ORC3: variants seen among roughly 807,000 people sequenced by gnomAD.
ORC3 encodes the protein origin recognition complex subunit 3.
In ORC3, 78 loss-of-function variants were observed where a neutral mutation model predicts 100.7. The ratio of observed to expected loss-of-function variants is 0.77; its 90% CI spans 0.65 to 0.94. The LOEUF (loss-of-function observed/expected upper bound fraction) is 0.94, where lower values mean the gene tolerates loss of function less well. Among genes scored for constraint, ORC3 ranks in the 40% least tolerant of loss-of-function variants. ORC3 has a pLI of 0.00. For synonymous variants in ORC3, 295 were observed against 289.3 expected (o/e 1.02, Z -0.20); for missense variants, 789 against 823.9 (o/e 0.96, Z 0.52).
chr6:87,650,114 TGGCATGATCAC>T (rs1769140781), intron 13 of ORC3, among the ~76,000 whole-genome samples: 1 of 148,436 alleles, frequency 6.7e-6, no homozygotes, highest in Admixed American at 6.9e-5. Flanking sequence ...TGGAGTGCAA[TGGCATGATCAC>T]GGCTCACTGC....
At chr6:87,598,832 A>T (rs946191462) in intron 2 of ORC3, among the ~76,000 whole-genome samples, 2 of 152,244 alleles carry the variant, frequency 1.3e-5, no homozygotes. Context: ...TTGACTGAAG[A>T]AGTAGGAAGA....
chr6:87,635,947 ATT>A (rs200376034), intron 12 of ORC3, among the ~76,000 whole-genome samples: 29 of 138,922 alleles, frequency 2.1e-4, no homozygotes, highest in African/African-American at 5.8e-4. Context: ...TATAAATTGC[ATT>A]TTTTTTTTTT....
At chr6:87,669,244 A>C (rs780234489), downstream of ORC3, among the ~76,000 whole-genome samples, 1 of 152,246 alleles carries the variant, frequency 6.6e-6, no homozygotes, top group Non-Finnish European at 1.5e-5. Context: ...GGAAACCCCA[A>C]GGTACCATAA....
chr6:87,617,461 A>G (rs1419372427), intron 9 of ORC3, among the ~76,000 whole-genome samples: 1 of 152,188 alleles, frequency 6.6e-6, no homozygotes, highest in Non-Finnish European at 1.5e-5. Context: ...TATGCCAGGC[A>G]CGGTGGCTCA....
chr6:87,627,297 C>CTTTTTTTTT (rs71554739), intron 11 of ORC3, among the ~76,000 whole-genome samples: 82 of 113,398 alleles, frequency 7.2e-4, no homozygotes, highest in Non-Finnish European at 1.1e-3. Flanking sequence ...CCGCGCCCAG[C>CTTTTTTTTT]TTTTTTTTTT....
intron 9 of ORC3, among the ~76,000 whole-genome samples, chr6:87,620,339 T>G (rs193229149): frequency 6.6e-6 from 1 of 152,364 alleles, no homozygotes; most frequent in Non-Finnish European, 1.5e-5. Flanking sequence ...CATAAACAGT[T>G]GCTTTCTATT....
chr6:87,640,027 G>A lies in ORC3; in HGVS notation c.1382+3541G>A, dbSNP rs562095187. Among the ~76,000 whole-genome samples, 387 of 152,082 alleles carry A rather than the reference G, an allele frequency of 2.5e-3. 2 individuals are homozygous for A. Among genetic ancestry groups the A allele is most frequent in the Non-Finnish European group, 3.5e-3 (237 of 67,972 alleles). ...TACATATAAAAGAAAGAGAAAAAAA[G>A]AAATGTGAGCAAAGCAGAAGGAGGC... On this transcript the variant is annotated intron_variant, in intron 13 of 19. Coordinates refer to ENST00000392844, the MANE Select transcript of ORC3 (RefSeq NM_012381.4).
rs773780592 is a variant in ORC3 at position 87,650,191 on chromosome 6, C to A, written c.1383-2925C>A. Among the ~76,000 whole-genome samples the A allele has an allele frequency of 7.1e-4, 108 of 151,502 alleles. 1 individual carries two copies. The highest frequency in any genetic ancestry group is 2.1e-4 in the Non-Finnish European group (14 of 67,924). On this transcript the variant is annotated intron_variant, in intron 13 of 19. Transcript: ENST00000392844. Reference sequence around the variant, plus strand: ...CATACTTCAGCCTCAGTAGCTGGGACTACAAGTGTGCGCCACCAGGCTGAG... The same window carrying A: ...CATACTTCAGCCTCAGTAGCTGGGAATACAAGTGTGCGCCACCAGGCTGAG...
At chr6:87,676,596 A>AACACACGCGCGCGCACACACAC in the ORC3 span, among the ~76,000 whole-genome samples, 1 of 142,046 alleles carries the variant, frequency 7.0e-6, no homozygotes, top group African/African-American at 2.7e-5. Context: ...CTCTACTAAA[A>AACACACGCGCGCGCACACACAC]ACACACACAC....
chr6:87,597,430 T>A (rs1404791927), intron 2 of ORC3, among the ~76,000 whole-genome samples: 1 of 152,076 alleles, frequency 6.6e-6, no homozygotes, highest in Non-Finnish European at 1.5e-5. Context: ...TCAATTGAAT[T>A]AGAATCTCAA....
Position 87,663,129 on chromosome 6 carries a change from T to G in ORC3, c.1818T>G (p.Pro606=), listed in dbSNP as rs760372555. ...RIALHTALNN[P]YYYLKNEALK... is the part of the protein sequence containing the mutation. ...CCCTCCATACTGCACTCAACAATCC[T>G]TACTATTATCTCAAGGTAAGATGAA... Residue 606 remains proline, a synonymous_variant, in exon 17 of 20, where the codon CCT becomes CCG. Transcript: ENST00000392844. The G allele has an allele frequency of 1.9e-6, 3 of 1,610,710 alleles. No individual in the cohort carries two copies. The highest frequency in any genetic ancestry group is 2.7e-5 in the African/African-American group (2 of 74,880).
chr6:87,662,739 G>A (rs1770289357), intron 16 of ORC3, among the ~76,000 whole-genome samples: 1 of 152,118 alleles, frequency 6.6e-6, no homozygotes, highest in Non-Finnish European at 1.5e-5. Context: ...TCTAGAGGTA[G>A]TTTTAAAAAC....
intron 6 of ORC3, 25 bp from the exon 7 acceptor site, chr6:87,609,071 C>G (rs1262803486): frequency 6.3e-7 from 1 of 1,576,396 alleles, no homozygotes; most frequent in Non-Finnish European, 8.6e-7. Context: ...ACCTTTAACT[C>G]TTTCTTTCTG....
chr6:87,676,025 A>G, the ORC3 span: 1 of 1,046,732 alleles, frequency 9.6e-7, no homozygotes. Flanking sequence ...AACAATTCTA[A>G]GTTGACAAAA....
chr6:87,671,009 AGTGGCCAAT>A (rs1429588261), downstream of ORC3, among the ~76,000 whole-genome samples: 1 of 152,222 alleles, frequency 6.6e-6, no homozygotes, highest in East Asian at 1.9e-4. Flanking sequence ...AAACAGCAAA[AGTGGCCAAT>A]GTGGACAAGG....
intron 16 of ORC3, among the ~76,000 whole-genome samples, chr6:87,660,922 G>GTTGT (rs1300017191): frequency 1.3e-5 from 2 of 152,190 alleles, no homozygotes; most frequent in African/African-American, 4.8e-5. Flanking sequence ...TGTTACTGTT[G>GTTGT]TTGTTCAACT....
intron 4 of ORC3, among the ~76,000 whole-genome samples, chr6:87,604,613 A>G (rs1778198117): frequency 1.3e-5 from 2 of 152,208 alleles, no homozygotes; most frequent in South Asian, 4.1e-4. Flanking sequence ...TTTGTGATAG[A>G]CAAGTTCATT....
At chr6:87,625,641 T>C (rs1779844947) in intron 11 of ORC3, among the ~76,000 whole-genome samples, 1 of 152,222 alleles carries the variant, frequency 6.6e-6, no homozygotes, top group Admixed American at 6.5e-5. Context: ...ATTTTGTAGG[T>C]TGCCTGTTCA....
chr6:87,622,282 A>G (rs1779593304), intron 11 of ORC3, among the ~76,000 whole-genome samples: 1 of 152,126 alleles, frequency 6.6e-6, no homozygotes, highest in Admixed American at 6.5e-5. Context: ...TTAGATCTAT[A>G]GAGATCTGCT....
Sources: allele counts gnomAD v4.1 joint callset (sites outside exome capture counted in the v4.1 genomes callset), GRCh38; gene constraint gnomAD v4.1.1; transcripts MANE v1.5; gene names NCBI Gene and HGNC (gene_info 2026-07-23, HGNC 2026-07-21).